The following SMC5 variants were observed in gnomAD, a reference collection of about 807,000 sequenced individuals.
The protein encoded by SMC5 is structural maintenance of chromosomes protein 5.
A neutral mutation model predicts 148.3 loss-of-function variants in SMC5; 88 were observed. The observed-to-expected ratio is 0.59, with a 90% confidence interval of 0.50 to 0.71. SMC5 has a LOEUF of 0.71. SMC5 is among the 30% of genes least tolerant of loss of function. The probability of loss-of-function intolerance (pLI) is 0.00; values close to 1 mark genes in which losing one functional copy is unlikely to be tolerated. For synonymous variants in SMC5, 421 were observed against 432.8 expected (o/e 0.97, Z 0.34); for missense variants, 1,142 against 1,298.9 (o/e 0.88, Z 1.86).
intron 17 of SMC5, among the ~76,000 whole-genome samples, chr9:70,327,569 G>T (rs937014168): frequency 1.4e-4 from 22 of 152,130 alleles, no homozygotes; most frequent in African/African-American, 5.1e-4. Flanking sequence ...GAACTGGCTT[G>T]TGACTTTGAA....
chr9:70,300,057 C>T lies in SMC5; in HGVS notation c.1321C>T (p.His441Tyr). The T allele has an allele frequency of 6.4e-7, 1 of 1,570,380 alleles. No homozygotes were observed. Among genetic ancestry groups the T allele is most frequent in the Non-Finnish European group, 8.6e-7 (1 of 1,167,558 alleles). The change falls in exon 10 of 25, where the codon CAT becomes TAT. Residue 441 changes from histidine to tyrosine, a missense_variant. Physicochemically the swap from His to Tyr is moderately conservative, Grantham distance 83. This residue lies in a region of SMC5 where 743 missense variants were observed against 835.7 expected (regional missense o/e 0.89). Transcript: ENST00000361138. ...LEKEKKSVDD[H>Y]IVRFDNLMNQ... Reference sequence around the variant, plus strand: ...TTTTACAATTTTAGGTGTGGACGATCATATTGTACGTTTTGACAATCTTAT... The same window carrying T: ...TTTTACAATTTTAGGTGTGGACGATTATATTGTACGTTTTGACAATCTTAT...
intron 3 of SMC5, among the ~76,000 whole-genome samples, chr9:70,274,318 T>A (rs555417358): frequency 6.6e-6 from 1 of 152,288 alleles, no homozygotes; most frequent in Admixed American, 6.5e-5. Flanking sequence ...CCTGACCTCG[T>A]GATCCACCCA....
At chr9:70,299,998 A>T in intron 9 of SMC5, 48 bp from the exon 10 acceptor site, 1 of 1,497,138 alleles carries the variant, frequency 6.7e-7, no homozygotes, top group Non-Finnish European at 8.9e-7. Context: ...TATTTCACTA[A>T]TTAAAATTTT....
At position 70,318,995 on chromosome 9, in the gene SMC5, C is replaced by A. The variant is rs777165913; in HGVS notation, c.2150+32C>A. The A allele has an allele frequency of 1.1e-5, 17 of 1,561,890 alleles. 1 individual carries two copies. The highest frequency in any genetic ancestry group is 1.7e-4 in the Middle Eastern group (1 of 5,832). ...TTTAGCCTATTCAGGGGGGAGAGCA[C>A]AAATTACTGTATGGGAGAATATTAA... On this transcript the variant is annotated intron_variant, in intron 15 of 24. Coordinates refer to ENST00000361138, the MANE Select transcript of SMC5 (RefSeq NM_015110.4).
intron 3 of SMC5, among the ~76,000 whole-genome samples, chr9:70,272,576 G>A (rs568484503): frequency 6.6e-5 from 10 of 152,198 alleles, no homozygotes; most frequent in African/African-American, 2.2e-4. Flanking sequence ...CTGAGATTCA[G>A]GTAGAAATGT....
intron 3 of SMC5, among the ~76,000 whole-genome samples, chr9:70,270,739 C>T (rs1218597254): frequency 6.7e-6 from 1 of 150,334 alleles, no homozygotes; most frequent in African/African-American, 2.5e-5. Flanking sequence ...CTCTGTCTCC[C>T]GAGCTCAAGT....
intron 11 of SMC5, chr9:70,310,755 G>A (rs1332751608): frequency 6.6e-6 from 1 of 152,114 alleles, no homozygotes; most frequent in Non-Finnish European, 1.5e-5. Context: ...ATTTAGTGTA[G>A]CCACCTTCAT....
intron 7 of SMC5, among the ~76,000 whole-genome samples, chr9:70,285,548 T>C (rs924724888): frequency 6.6e-6 from 1 of 152,164 alleles, no homozygotes; most frequent in Non-Finnish European, 1.5e-5. Flanking sequence ...GCCACTCTTA[T>C]CAGTTAGGAA....
chr9:70,305,056 C>T (rs948864583), intron 10 of SMC5, among the ~76,000 whole-genome samples, 191 bp from the exon 11 acceptor site: 3 of 152,170 alleles, frequency 2.0e-5, no homozygotes, highest in East Asian at 1.9e-4. Flanking sequence ...TTTGTTTAAC[C>T]ATGTACTGTA....
chr9:70,342,268 T>C (rs972440803), intron 17 of SMC5, among the ~76,000 whole-genome samples: 8 of 143,690 alleles, frequency 5.6e-5, no homozygotes, highest in East Asian at 2.2e-4. Flanking sequence ...AGGGATAGCA[T>C]TGGGAGATAT....
chr9:70,278,689 A>G (rs1399888969), intron 5 of SMC5, 64 bp downstream of exon 5: 1 of 1,477,954 alleles, frequency 6.8e-7, no homozygotes, highest in Non-Finnish European at 9.1e-7. Context: ...AGAACATGGG[A>G]GAGAGAGTAG....
intron 17 of SMC5, among the ~76,000 whole-genome samples, chr9:70,337,751 T>C (rs1032387787): frequency 1.3e-5 from 2 of 151,840 alleles, no homozygotes; most frequent in African/African-American, 4.8e-5. Context: ...CCACTACACC[T>C]GGCCAAGAAA....
chr9:70,275,410 A>T (rs1342870761), intron 3 of SMC5, among the ~76,000 whole-genome samples: 1 of 152,064 alleles, frequency 6.6e-6, no homozygotes, highest in Non-Finnish European at 1.5e-5. Flanking sequence ...TATGTTGCTC[A>T]GACAGGTCTC....
rs962042979 is a variant in SMC5, at chr9:70,323,408, T to TG, written c.2151-68dup. On this transcript the variant is annotated intron_variant, in intron 15 of 24. Coordinates refer to ENST00000361138, the MANE Select transcript of SMC5 (RefSeq NM_015110.4). ...TATTGCTAAATATATCCCAGAAAACTGGGGGGGACCTAAGAATTTGGGATC... is the reference window on the plus strand; with the variant it reads ...TATTGCTAAATATATCCCAGAAAACTGGGGGGGGACCTAAGAATTTGGGATC... The TG allele has an allele frequency of 3.1e-5, 44 of 1,426,278 alleles. No homozygotes were observed. The Admixed American group carries it at 3.7e-4, about 12-fold the overall frequency. The allele number at this position is 1,426,278 out of a possible 1,614,324, so 88.4% of individuals were successfully genotyped here.
Position 70,327,197 on chromosome 9 carries a change from G to A in SMC5, c.2397+3054G>A, listed in dbSNP as rs560681215. On this transcript the variant is annotated intron_variant, in intron 17 of 24. Transcript: ENST00000361138. ...CCCACTGGAGAAATGGCTGATTTCA[G>A]GTCCAGGAGAAGAAATGTTTATATA... Among the ~76,000 whole-genome samples, 268 of 152,228 alleles carry A rather than the reference G, an allele frequency of 1.8e-3. 1 individual carries two copies. The highest frequency in any genetic ancestry group is 6.0e-3 in the African/African-American group (249 of 41,540).
At position 70,323,585 on chromosome 9, in the gene SMC5, C is replaced by T. The variant is rs1301422904; in HGVS notation, c.2253C>T (p.Thr751=). Residue 751 remains threonine, a synonymous_variant, in exon 16 of 25, where the codon ACC becomes ACT. Coordinates refer to ENST00000361138, the MANE Select transcript of SMC5 (RefSeq NM_015110.4). ...ATGTTCAAAAAGCGAAACTTGTTAC[C>T]GAATTAACAAACCTAATAAAGGTAA... ...EINVQKAKLV[T]ELTNLIKICT... 6 of 1,610,394 alleles carry T rather than the reference C, an allele frequency of 3.7e-6. No individual in the cohort carries two copies. The Admixed American group carries it at 5.0e-5, about 14-fold the overall frequency.
chr9:70,331,930 G>C (rs1230263565), intron 17 of SMC5, among the ~76,000 whole-genome samples: 1 of 152,032 alleles, frequency 6.6e-6, no homozygotes, highest in Admixed American at 6.6e-5. Flanking sequence ...TCATCTTACT[G>C]CTTGGAAAGA....
intron 11 of SMC5, among the ~76,000 whole-genome samples, chr9:70,306,573 C>T (rs2035504959): frequency 6.6e-6 from 1 of 152,148 alleles, no homozygotes. Context: ...GGTTGCACGT[C>T]TTTTAAGACA....
intron 10 of SMC5, among the ~76,000 whole-genome samples, chr9:70,301,577 C>T (rs1404159616): frequency 6.6e-6 from 1 of 152,064 alleles, no homozygotes. Context: ...TAGTCTATTT[C>T]TATGATTTAT....
Sources: gnomAD v4.1 joint callset for allele counts (sites outside exome capture counted in the v4.1 genomes callset) on GRCh38, gnomAD v4.1.1 for gene constraint, gnomAD v4.1.1 regional missense constraint, MANE v1.5 for transcripts, NCBI Gene and HGNC (gene_info 2026-07-23, HGNC 2026-07-21) for gene names.